URB1: variants seen among roughly 807,000 people sequenced by gnomAD.
URB1 encodes the protein URB1 ribosome biogenesis factor.
Under a neutral mutation model 242.3 loss-of-function variants are expected in URB1, and 197 were observed. The ratio of observed to expected loss-of-function variants is 0.81; its 90% confidence interval spans 0.72 to 0.91. The LOEUF (loss-of-function observed/expected upper bound fraction) is 0.91, where lower values mean the gene tolerates loss of function less well. Among genes scored for constraint, URB1 ranks in the 40% least tolerant of loss-of-function variants. URB1 has a pLI of 0.00. For missense variants in URB1, 2,721 were observed against 2,860.5 expected (o/e 0.95, Z 1.11); for synonymous variants, 1,153 against 1,201.8 (o/e 0.96, Z 0.84).
At chr21:32,391,988 C>T (rs1003293914) in intron 1 of URB1, among the ~76,000 whole-genome samples, 9 of 151,808 alleles carry the variant, frequency 5.9e-5, no homozygotes, top group African/African-American at 2.2e-4. Context: ...AGTGCCACTG[C>T]ACTTCAGCCT....
chr21:32,363,739 G>A (rs933854104), intron 10 of URB1, among the ~76,000 whole-genome samples: 4 of 152,056 alleles, frequency 2.6e-5, no homozygotes, highest in East Asian at 1.9e-4. Context: ...ATAGCTCACC[G>A]CAGCCTCAAG....
intron 38 of URB1, 28 bp downstream of exon 38, chr21:32,316,437 TC>T: frequency 6.8e-7 from 1 of 1,468,172 alleles, no homozygotes; most frequent in Non-Finnish European, 9.0e-7. Context: ...ATCTATTTCT[TC>T]AGCCTCCAAC....
chr21:32,343,830 T>C (rs1352106484), intron 24 of URB1, among the ~76,000 whole-genome samples: 1 of 151,766 alleles, frequency 6.6e-6, no homozygotes, highest in African/African-American at 2.4e-5. Flanking sequence ...TACAAGAAAC[T>C]TGAATAAAAC....
intron 2 of URB1, 122 bp from the exon 3 acceptor site, chr21:32,384,586 C>T (rs986433085): frequency 4.7e-6 from 6 of 1,284,130 alleles, no homozygotes; most frequent in East Asian, 2.6e-5. Context: ...TGCAGGATGA[C>T]GCCCACCCAG....
At position 32,349,309 on chromosome 21, in the gene URB1, C is replaced by T. The variant is rs372137287; in HGVS notation, c.3007G>A (p.Asp1003Asn). 11 of 1,541,346 alleles carry T rather than the reference C, an allele frequency of 7.1e-6. No individual in the cohort carries two copies. The highest frequency in any genetic ancestry group is 1.7e-4 in the Middle Eastern group (1 of 5,934). ...ESVASLELAN[D>N]QTLEEVLVAI... ...CAGGCAACCTGTGGCGGTACCTGAT[C>T]ATTGGCCAACTCCAGCGAGGCCACG... Residue 1003 changes from aspartate (D) to asparagine (N), a missense_variant, in exon 21 of 39, where the codon GAT (aspartate) becomes AAT (asparagine). Physicochemically the swap from Asp to Asn is conservative, Grantham distance 23. Transcript: ENST00000382751.
chr21:32,369,405 T>TA (rs770627463), intron 8 of URB1, among the ~76,000 whole-genome samples: 3 of 152,106 alleles, frequency 2.0e-5, no homozygotes, highest in East Asian at 1.9e-4. Flanking sequence ...AGTGTGAGTG[T>TA]AAAAAAATGC....
intron 4 of URB1, among the ~76,000 whole-genome samples, chr21:32,378,868 TAGAGCAAGACTCTCAGCCTGC>T (rs1167191586): frequency 4.6e-5 from 7 of 152,238 alleles, no homozygotes; most frequent in Non-Finnish European, 8.8e-5. Flanking sequence ...CACTTTGGTG[TAGAGCAAGACTCTCAGCCTGC>T]CTAGATCCAT....
chr21:32,320,474 C>A (rs895207621), intron 35 of URB1, 57 bp downstream of exon 35: 9 of 1,297,362 alleles, frequency 6.9e-6, no homozygotes, highest in African/African-American at 4.5e-5. Context: ...CAGACGTCAT[C>A]GTTTCTGTTC....
chr21:32,365,915 C>T (rs1247669420), intron 10 of URB1, among the ~76,000 whole-genome samples: 3 of 152,180 alleles, frequency 2.0e-5, no homozygotes, highest in Non-Finnish European at 4.4e-5. Flanking sequence ...ACCTGTCCTC[C>T]CCCAGGTACC....
intron 36 of URB1, among the ~76,000 whole-genome samples, 160 bp downstream of exon 36, chr21:32,319,057 T>C (rs1404636975): frequency 1.3e-5 from 2 of 152,184 alleles, no homozygotes; most frequent in Admixed American, 6.5e-5. Context: ...GTTCTGACAC[T>C]ACCTACACCT....
chr21:32,384,986 T>C (rs921499218), intron 2 of URB1, among the ~76,000 whole-genome samples: 8 of 134,096 alleles, frequency 6.0e-5, no homozygotes, highest in African/African-American at 2.5e-4. Context: ...GTCTCAAAAA[T>C]GAAAGAAAAG....
chr21:32,377,305 A>G (rs755018410), intron 5 of URB1: 3 of 511,440 alleles, frequency 5.9e-6, no homozygotes, highest in South Asian at 1.4e-5. Flanking sequence ...CGGGCCCATC[A>G]TAAATCCAAA....
intron 28 of URB1, among the ~76,000 whole-genome samples, chr21:32,336,636 C>T (rs958908220): frequency 6.6e-6 from 1 of 152,192 alleles, no homozygotes; most frequent in African/African-American, 2.4e-5. Context: ...TGTACACCCA[C>T]ACCCACCTAC....
At chr21:32,388,990 G>A (rs1230939872) in intron 1 of URB1, among the ~76,000 whole-genome samples, 4 of 152,172 alleles carry the variant, frequency 2.6e-5, no homozygotes, top group Admixed American at 2.0e-4. Flanking sequence ...AGAGACCAAT[G>A]TGAGTATTTA....
Position 32,344,653 on chromosome 21 carries a change from C to T in URB1, c.4174G>A (p.Val1392Met), listed in dbSNP as rs564985567. Residue 1392 changes from valine (V) to methionine (M), a missense_variant, in exon 24 of 39, where the codon GTG becomes ATG. Physicochemically the swap from Val to Met is conservative, Grantham distance 21. Coordinates refer to ENST00000382751, the MANE Select transcript of URB1 (RefSeq NM_014825.3). ...LLESCVKWLIVSFSGGQQDDD... is the reference protein window; with the variant it reads ...LLESCVKWLIMSFSGGQQDDD... ...TCTTGCTGTCCACCACTGAAAGACACGATCAGCCACTTCACACAGGACTCC... is the reference window on the plus strand; with the variant it reads ...TCTTGCTGTCCACCACTGAAAGACATGATCAGCCACTTCACACAGGACTCC... The T allele has an allele frequency of 7.0e-5, 108 of 1,552,352 alleles. 2 individuals carry two copies. In the South Asian group the frequency reaches 1.0e-3, roughly 15 times the overall value.
At position 32,334,830 on chromosome 21, in the gene URB1, G is replaced by A. The variant is rs896073425; in HGVS notation, c.4686-496C>T. ...TCTCTCACTGCTCACATGTGGCCAC[G>A]AGTGAACCAGGTCTGCCTACACAAG... On this transcript the variant is annotated intron_variant, in intron 28 of 38. Coordinates refer to ENST00000382751, the MANE Select transcript of URB1 (RefSeq NM_014825.3). 4.6e-5 allele frequency among the ~76,000 whole-genome samples: 7 copies of A among 152,250 alleles called. No homozygotes were observed. The East Asian group carries it at 1.4e-3, about 29-fold the overall frequency.
chr21:32,333,104 T>G, intron 30 of URB1: 1 of 445,636 alleles, frequency 2.2e-6, no homozygotes, highest in South Asian at 2.7e-5. Context: ...AAATTACAAT[T>G]TTTTTTTTTA....
At chr21:32,350,953 G>A in intron 19 of URB1, 31 bp from the exon 20 acceptor site, 1 of 1,531,750 alleles carries the variant, frequency 6.5e-7, no homozygotes, top group Non-Finnish European at 8.8e-7. Flanking sequence ...CCGGGGAAGA[G>A]AAAGACACAT....
intron 30 of URB1, among the ~76,000 whole-genome samples, chr21:32,330,465 CA>C (rs1349103673): frequency 1.4e-5 from 2 of 146,682 alleles, no homozygotes; most frequent in East Asian, 2.0e-4. Context: ...GACAGCTCTT[CA>C]AAAAAGTCCT....
Sources: allele counts gnomAD v4.1 joint callset (sites outside exome capture counted in the v4.1 genomes callset), GRCh38; gene constraint gnomAD v4.1.1; transcripts MANE v1.5; gene names NCBI Gene and HGNC (gene_info 2026-07-23, HGNC 2026-07-21).